The following ANAPC1 variants were observed in gnomAD, a reference collection of about 807,000 sequenced individuals.
ANAPC1 encodes anaphase-promoting complex subunit 1.
In ANAPC1, 36 loss-of-function variants were observed where a neutral mutation model predicts 208.0. The observed-to-expected ratio is 0.17, with a 90% CI of 0.13 to 0.23. ANAPC1 has a LOEUF of 0.23. Among genes scored for constraint, ANAPC1 ranks in the 10% least tolerant of loss-of-function variants. The pLI, the probability that ANAPC1 is intolerant of heterozygous loss-of-function variation, is 1.00. For synonymous variants in ANAPC1, 378 were observed against 695.2 expected, an observed-to-expected ratio of 0.54 and a Z score of 7.18; for missense variants, 942 against 2,011.6, an observed-to-expected ratio of 0.47 and a Z score of 10.17.
intron 7 of ANAPC1, 41 bp from the exon 8 acceptor site, chr2:111,864,992 C>T (rs1009695214): frequency 6.4e-7 from 1 of 1,550,448 alleles, no homozygotes; most frequent in African/African-American, 1.4e-5. Context: ...GAACAATGGG[C>T]TTTACAAGAC....
Position 111,872,609 on chromosome 2 carries a change from T to C in ANAPC1, c.611+21A>G, listed in dbSNP as rs1343230576. ...ACACAAATCCCAAGCAGTAATATTC[T>C]GAAGTGAATAAAATGAATACCTGGG... On this transcript the variant is annotated intron_variant, in intron 6 of 47. Coordinates refer to ENST00000341068, the MANE Select transcript of ANAPC1 (RefSeq NM_022662.4). 5 of 1,567,244 alleles carry C rather than the reference T, an allele frequency of 3.2e-6. No individual in the cohort carries two copies. The Admixed American group carries it at 8.4e-5, about 26-fold the overall frequency.
intron 6 of ANAPC1, among the ~76,000 whole-genome samples, chr2:111,868,843 A>AT (rs1218555647): frequency 6.6e-6 from 1 of 151,920 alleles, no homozygotes; most frequent in South Asian, 2.1e-4. Context: ...AGAAGCCTAC[A>AT]TTTTTTAAGG....
chr2:111,856,925 C>T (rs866196421), intron 11 of ANAPC1, 39 bp from the exon 12 acceptor site: 39 of 1,492,698 alleles, frequency 2.6e-5, no homozygotes, highest in Middle Eastern at 4.8e-4. Flanking sequence ...ATACATGCAA[C>T]AACCTGTATG....
chr2:111,848,503 G>A (rs549694667), intron 14 of ANAPC1, among the ~76,000 whole-genome samples: 5 of 152,150 alleles, frequency 3.3e-5, no homozygotes, highest in East Asian at 3.9e-4. Flanking sequence ...GCCGGGGCAC[G>A]CGGTGGCTCA....
In ANAPC1 at chr2:111,799,146, C is replaced by T. The variant is rs200942295; in HGVS notation, c.4296+1651G>A. On this transcript the variant is annotated intron_variant, in intron 34 of 47. Coordinates refer to ENST00000341068, the MANE Select transcript of ANAPC1 (RefSeq NM_022662.4). ...TTTTAAAAAATAAGCAAAAGACATG[C>T]ACAGACACTTCACAAAAAAAGATAG... Among the ~76,000 whole-genome samples, 34 of 151,762 alleles carry T rather than the reference C, an allele frequency of 2.2e-4. No individual in the cohort carries two copies. The East Asian group carries it at 3.3e-3, about 15-fold the overall frequency.
chr2:111,881,887 C>G (rs1683316200), intron 1 of ANAPC1, among the ~76,000 whole-genome samples: 1 of 152,180 alleles, frequency 6.6e-6, no homozygotes, highest in Admixed American at 6.5e-5. Context: ...CCACTACCCT[C>G]TCTTTAAAAC....
At chr2:111,876,523 T>C (rs1305974188) in intron 3 of ANAPC1, among the ~76,000 whole-genome samples, 10 of 152,176 alleles carry the variant, frequency 6.6e-5, no homozygotes, top group Non-Finnish European at 1.3e-4. Context: ...AGGCAACTGT[T>C]CTTGGAGAAA....
intron 2 of ANAPC1, among the ~76,000 whole-genome samples, chr2:111,879,481 C>T (rs1227026600): frequency 6.6e-6 from 1 of 152,210 alleles, no homozygotes; most frequent in Non-Finnish European, 1.5e-5. Context: ...GGCTTTCCCT[C>T]CCCGAGATTT....
At chr2:111,853,152 T>C (rs1006635846) in intron 13 of ANAPC1, among the ~76,000 whole-genome samples, 5 of 152,226 alleles carry the variant, frequency 3.3e-5, no homozygotes, top group African/African-American at 1.2e-4. Flanking sequence ...TTTCCCACTT[T>C]ATAGAGACTC....
chr2:111,879,671 G>A (rs1683196843), intron 2 of ANAPC1, among the ~76,000 whole-genome samples: 2 of 152,038 alleles, frequency 1.3e-5, no homozygotes, highest in African/African-American at 4.8e-5. Flanking sequence ...TGGAGTTTGA[G>A]ACTAGCCTGA....
At chr2:111,770,551 C>T (rs1271878322) in intron 47 of ANAPC1, among the ~76,000 whole-genome samples, 1 of 150,196 alleles carries the variant, frequency 6.7e-6, no homozygotes. Context: ...TTCTCTTATT[C>T]CAACCCCATG....
chr2:111,869,497 G>A (rs1474864444), intron 6 of ANAPC1, among the ~76,000 whole-genome samples: 2 of 152,112 alleles, frequency 1.3e-5, no homozygotes, highest in Non-Finnish European at 2.9e-5. Flanking sequence ...CACTCGCCTC[G>A]GCCTCCCAAA....
intron 20 of ANAPC1, 75 bp from the exon 21 acceptor site, chr2:111,831,509 T>C: frequency 1.7e-6 from 2 of 1,175,548 alleles, no homozygotes; most frequent in East Asian, 2.5e-5. Flanking sequence ...AAACGGAAGA[T>C]GATCAACAGT....
intron 47 of ANAPC1, among the ~76,000 whole-genome samples, chr2:111,770,276 C>G (rs1676666446): frequency 8.1e-6 from 1 of 123,168 alleles, no homozygotes; most frequent in African/African-American, 3.3e-5. Flanking sequence ...CCTTCAAATA[C>G]TATCTAAGTG....
intron 16 of ANAPC1, 32 bp from the exon 17 acceptor site, chr2:111,843,631 T>C (rs1343042815): frequency 1.9e-6 from 3 of 1,548,664 alleles, no homozygotes. Flanking sequence ...TTTAGTATTC[T>C]TACTCTGCAT....
intron 17 of ANAPC1, among the ~76,000 whole-genome samples, chr2:111,841,084 G>A (rs1680735516): frequency 6.6e-6 from 1 of 152,126 alleles, no homozygotes; most frequent in Admixed American, 6.5e-5. Flanking sequence ...TTTCCCATAA[G>A]ATTTCTCTCA....
At chr2:111,873,715 T>C (rs1347748154) in intron 3 of ANAPC1, 51 bp from the exon 4 acceptor site, 4 of 1,510,964 alleles carry the variant, frequency 2.6e-6, no homozygotes, top group African/African-American at 1.4e-5. Flanking sequence ...TAAATAATCA[T>C]CTATTAACTA....
In ANAPC1 at chr2:111,856,847, G is replaced by C. The variant is rs151318870; in HGVS notation, c.1398C>G (p.Leu466=). The C allele has an allele frequency of 6.9e-5, 111 of 1,612,314 alleles. No individual in the cohort carries two copies. Among genetic ancestry groups the C allele is most frequent in the Non-Finnish European group, 6.9e-5 (81 of 1,179,870 alleles). The change falls in exon 12 of 48, where the codon CTC becomes CTG. Residue 466 remains leucine, a synonymous_variant. Coordinates refer to ENST00000341068, the MANE Select transcript of ANAPC1 (RefSeq NM_022662.4). ...KFQESNDKTQ[L]IFGSVTNIPA... ...GTATGTTGGTCACTGAACCAAAGAT[G>C]AGCTGGGTTTTATCATTACTCTCTT...
At chr2:111,822,922 T>C (rs1355788664) in intron 24 of ANAPC1, among the ~76,000 whole-genome samples, 1 of 151,068 alleles carries the variant, frequency 6.6e-6, no homozygotes, top group Admixed American at 6.6e-5. Context: ...AAATTAAAGC[T>C]ACTGAGAAAT....
Sources: gnomAD v4.1 joint callset for allele counts (sites outside exome capture counted in the v4.1 genomes callset) on GRCh38, gnomAD v4.1.1 for gene constraint, MANE v1.5 for transcripts, NCBI Gene and HGNC (gene_info 2026-07-23, HGNC 2026-07-21) for gene names.